Variants in SMC4 observed in about 807,000 individuals in gnomAD.
SMC4 encodes the protein structural maintenance of chromosomes 4.
In SMC4, 87 loss-of-function variants were observed where a neutral mutation model predicts 145.6. The ratio of observed to expected loss-of-function variants is 0.60; its 90% confidence interval spans 0.50 to 0.71. SMC4 has a LOEUF of 0.71. Among genes scored for constraint, SMC4 ranks in the 30% least tolerant of loss-of-function variants. The pLI is 0.00. For missense variants in SMC4, 1,447 were observed against 1,537.1 expected (o/e 0.94, Z 0.98); for synonymous variants, 558 against 500.7 (o/e 1.11, Z -1.53).
At chr3:160,402,356 C>T (rs1714793439) in intron 3 of SMC4, among the ~76,000 whole-genome samples, 1 of 151,718 alleles carries the variant, frequency 6.6e-6, no homozygotes, top group Admixed American at 6.6e-5. Context: ...GTGTGTGTTT[C>T]TGTTTGAAAG....
At chr3:160,425,163 A>T in intron 16 of SMC4, 144 bp downstream of exon 16, 1 of 1,283,708 alleles carries the variant, frequency 7.8e-7, no homozygotes, top group Non-Finnish European at 1.0e-6. Context: ...ATAACTCTTG[A>T]TGATTTTGTT....
At position 160,423,677 on chromosome 3, in the gene SMC4, GT is replaced by G. The variant is rs551358886; in HGVS notation, c.2245+36del. 944 of 1,583,128 alleles carry G rather than the reference GT, an allele frequency of 6.0e-4. 13 individuals carry two copies. The East Asian group carries it at 0.011, about 18-fold the overall frequency. On this transcript the variant is annotated intron_variant, in intron 14 of 23. Transcript: ENST00000357388. The stretch of plus-strand genomic sequence containing the variant: ...TAATAGTGTTTTTGTTTCTTGGTTT[GT>G]TTTTTTTTCCCCCCACAGCATTGAC...
intron 16 of SMC4, 76 bp from the exon 17 acceptor site, chr3:160,425,998 G>A (rs1576985691): frequency 1.8e-6 from 2 of 1,094,746 alleles, no homozygotes; most frequent in East Asian, 5.0e-5. Flanking sequence ...AAGATTTTAA[G>A]TGCCCTTTTT....
At chr3:160,400,215 G>A (rs559672954) in intron 1 of SMC4, 4 of 152,400 alleles carry the variant, frequency 2.6e-5, no homozygotes, top group Non-Finnish European at 4.4e-5. Context: ...AGTTGCTAGT[G>A]GTTAGTCCCA....
chr3:160,411,958 C>A lies in SMC4; in HGVS notation c.726C>A (p.Gly242=). The A allele has an allele frequency of 6.2e-7, 1 of 1,613,116 alleles. No homozygotes were observed. The highest frequency in any genetic ancestry group is 8.5e-7 in the Non-Finnish European group (1 of 1,179,504). The change falls in exon 6 of 24, where the codon GGC becomes GGA. Residue 242 remains glycine (G), a synonymous_variant. Transcript: ENST00000357388. ...VEQIAMMKPK[G]QTEHDEGMLE... The stretch of plus-strand genomic sequence containing the variant: ...AAATTGCTATGATGAAACCAAAAGG[C>A]CAGACTGAACACGATGAGGGTATGC...
In SMC4 at chr3:160,402,034, A is replaced by G. The variant is rs1200407584; in HGVS notation, c.259A>G (p.Ile87Val). ...AGAPRLMITHIVNQNFKSYAG... is the reference protein window; with the variant it reads ...AGAPRLMITHVVNQNFKSYAG... ...AGCTCCTCGGCTTATGATAACTCAT[A>G]TTGTAAACCAGAACTTCAAATCCTA... The change falls in exon 3 of 24, where the codon ATT (isoleucine) becomes GTT (valine). Residue 87 changes from isoleucine (I) to valine (V), a missense_variant. Coordinates refer to ENST00000357388, the MANE Select transcript of SMC4 (RefSeq NM_001002800.3). The G allele has an allele frequency of 1.3e-6, 2 of 1,592,600 alleles. No homozygotes were observed. The highest frequency in any genetic ancestry group is 2.3e-5 in the East Asian group (1 of 43,438).
At chr3:160,426,922 T>G (rs1024838698) in intron 17 of SMC4, among the ~76,000 whole-genome samples, 5 of 152,186 alleles carry the variant, frequency 3.3e-5, no homozygotes, top group Non-Finnish European at 5.9e-5. Context: ...GACAGATCCC[T>G]GTTACAGTTT....
chr3:160,431,294 C>T, intron 20 of SMC4, 89 bp downstream of exon 20: 2 of 1,139,758 alleles, frequency 1.8e-6, no homozygotes, highest in Non-Finnish European at 2.4e-6. Flanking sequence ...GGTTGGGGTT[C>T]TTAAATTTTG....
chr3:160,420,244 AG>A (rs1325786194), intron 12 of SMC4, among the ~76,000 whole-genome samples: 1 of 152,218 alleles, frequency 6.6e-6, no homozygotes, highest in African/African-American at 2.4e-5. Context: ...CTTTCGGAGA[AG>A]GGAACAAATT....
Position 160,424,863 on chromosome 3 carries a change from G to A in SMC4, c.2326-4G>A. The A allele has an allele frequency of 6.2e-7, 1 of 1,611,342 alleles. No homozygotes were observed. Among genetic ancestry groups the A allele is most frequent in the Non-Finnish European group, 8.5e-7 (1 of 1,178,882 alleles). On this transcript the variant is annotated splice_polypyrimidine_tract_variant and splice_region_variant and intron_variant, in intron 15 of 23. Transcript: ENST00000357388. ...ATGGCTCTTAGAGAAAACTTTCTTT[G>A]TAGGTAAACAAAATGGAATCACAGT...
Position 160,430,758 on chromosome 3 carries a change from G to T in SMC4, c.2940+15G>T. The T allele has an allele frequency of 6.2e-7, 1 of 1,602,720 alleles. No individual in the cohort carries two copies. The highest frequency in any genetic ancestry group is 8.5e-7 in the Non-Finnish European group (1 of 1,176,054). ...ATGCTGCAGAGGTATGAGTTGCTTT[G>T]TATTGAAGAGGAGATGGGATGATAC... is the stretch of plus-strand genomic sequence containing the variant. On this transcript the variant is annotated intron_variant, in intron 19 of 23. Coordinates refer to ENST00000357388, the MANE Select transcript of SMC4 (RefSeq NM_001002800.3).
At chr3:160,402,950 G>A (rs1460346776) in intron 4 of SMC4, 83 bp downstream of exon 4, 11 of 1,000,242 alleles carry the variant, frequency 1.1e-5, no homozygotes, top group Non-Finnish European at 1.4e-5. Flanking sequence ...TTGGCTTTAA[G>A]AAATTTGTAT....
Position 160,425,148 on chromosome 3 carries a change from CAGATAT to C in SMC4, c.2478+131_2478+136del, listed in dbSNP as rs1560010005. On this transcript the variant is annotated intron_variant, in intron 16 of 23. Coordinates refer to ENST00000357388, the MANE Select transcript of SMC4 (RefSeq NM_001002800.3). ...ATATAAGGGAGGGAGGATCTATAGG[CAGATAT>C]AACTCTTGATGATTTTGTTTCACTG... is the stretch of plus-strand genomic sequence containing the variant. The C allele has an allele frequency of 7.3e-5, 96 of 1,319,390 alleles. No individual in the cohort carries two copies. In the African/African-American group the frequency reaches 1.3e-3, roughly 18 times the overall value. The allele number at this position is 1,319,390 out of a possible 1,614,324, so 81.7% of individuals were successfully genotyped here.
intron 11 of SMC4, among the ~76,000 whole-genome samples, chr3:160,418,528 T>C (rs1214309201): frequency 6.6e-6 from 1 of 152,222 alleles, no homozygotes; most frequent in Non-Finnish European, 1.5e-5. Context: ...AGTGTAATTA[T>C]ACTGAAAATA....
At chr3:160,420,624 T>G (rs990661727) in intron 12 of SMC4, 116 bp from the exon 13 acceptor site, 1 of 1,070,638 alleles carries the variant, frequency 9.3e-7, no homozygotes, top group Admixed American at 2.5e-5. Flanking sequence ...TTTGTTCTCT[T>G]TAAAACCATG....
At chr3:160,417,492 A>G in intron 10 of SMC4, 1 of 507,216 alleles carries the variant, frequency 2.0e-6, no homozygotes, top group Non-Finnish European at 3.5e-6. Context: ...CCTCAGCGTA[A>G]TGATCGATCT....
In SMC4 at chr3:160,430,990, C is replaced by T. The variant is rs747093993; in HGVS notation, c.2941-42C>T. The T allele has an allele frequency of 3.2e-6, 5 of 1,557,114 alleles. No individual in the cohort carries two copies. The East Asian group carries it at 9.3e-5, about 29-fold the overall frequency. ...TCTCTGTAATGTGAAAATGATGGCT[C>T]TATTTGGAAAATTCTATCTAGCAGT... is the stretch of plus-strand genomic sequence containing the variant. On this transcript the variant is annotated intron_variant, in intron 19 of 23. Coordinates refer to ENST00000357388, the MANE Select transcript of SMC4 (RefSeq NM_001002800.3).
chr3:160,429,716 T>G (rs1046673893), intron 18 of SMC4, among the ~76,000 whole-genome samples: 2 of 150,490 alleles, frequency 1.3e-5, no homozygotes, highest in Admixed American at 1.3e-4. Context: ...CTTAGGTTTT[T>G]TTTTTTTTTT....
chr3:160,407,092 G>A (rs1715421596), intron 5 of SMC4, among the ~76,000 whole-genome samples: 1 of 152,066 alleles, frequency 6.6e-6, no homozygotes. Flanking sequence ...TCCATTCAGG[G>A]GTAGAAGAAT....
Sources: allele counts gnomAD v4.1 joint callset (sites outside exome capture counted in the v4.1 genomes callset), GRCh38; gene constraint gnomAD v4.1.1; transcripts MANE v1.5; gene names NCBI Gene and HGNC (gene_info 2026-07-23, HGNC 2026-07-21).